Variants in CC2D1B observed in about 807,000 individuals in gnomAD.
The protein encoded by CC2D1B is coiled-coil and C2 domain containing 1B, also known as coiled-coil and C2 domain-containing protein 1B.
In CC2D1B, 92 loss-of-function variants were observed where a neutral mutation model predicts 110.8. The observed-to-expected ratio is 0.83, with a 90% CI of 0.70 to 0.99. The LOEUF is 0.99. Ranked by LOEUF, CC2D1B falls within the 50% of genes least tolerant of loss-of-function variation. The pLI is 0.00. For synonymous variants in CC2D1B, 406 were observed against 429.2 expected, an observed-to-expected ratio of 0.95 and a Z score of 0.67; for missense variants, 1,136 against 1,089.0, an observed-to-expected ratio of 1.04 and a Z score of -0.61.
chr1:52,358,876 G>GA (rs1358961596), intron 11 of CC2D1B, 118 bp from the exon 12 acceptor site: 10 of 1,423,950 alleles, frequency 7.0e-6, no homozygotes, highest in Non-Finnish European at 8.6e-6. Context: ...AGCCCTGGGA[G>GA]AAAAAAAGAT....
chr1:52,356,209 C>T lies in CC2D1B; in HGVS notation c.2031G>A (p.Glu677=), dbSNP rs1424199665. 1 of 1,604,644 alleles carries T rather than the reference C, an allele frequency of 6.2e-7. No individual in the cohort carries two copies. The highest frequency in any genetic ancestry group is 8.5e-7 in the Non-Finnish European group (1 of 1,171,658). ...ACCTCACAGTCTGGAATGTCTTCAA[C>T]TCAAAGTGGTGGGTGGGAGGGTCGA... ...QGLDPPTHHF[E]LKTFQTVRIF... is the part of the protein sequence containing the mutation. Residue 677 remains glutamate, a synonymous_variant, in exon 18 of 25, where the codon GAG becomes GAA. Transcript: ENST00000284376.
At chr1:52,359,404 C>T (rs1359793879) in intron 9 of CC2D1B, 47 bp from the exon 10 acceptor site, 1 of 1,613,090 alleles carries the variant, frequency 6.2e-7, no homozygotes, top group South Asian at 1.1e-5. Flanking sequence ...CTGGCCAGCC[C>T]CAGGCCTGCT....
intron 23 of CC2D1B, among the ~76,000 whole-genome samples, chr1:52,354,198 A>G (rs925082765): frequency 6.6e-6 from 1 of 152,216 alleles, no homozygotes; most frequent in African/African-American, 2.4e-5. Flanking sequence ...CCAGGCAGGC[A>G]GTAGGGCCAG....
chr1:52,365,426 A>G (rs1316167682), intron 1 of CC2D1B, among the ~76,000 whole-genome samples: 1 of 152,262 alleles, frequency 6.6e-6, no homozygotes, highest in Non-Finnish European at 1.5e-5. Flanking sequence ...GTTGGGGGAA[A>G]GAGGGAAATA....
chr1:52,361,404 CTCAGAG>C, intron 4 of CC2D1B, 103 bp downstream of exon 4: 4 of 1,557,326 alleles, frequency 2.6e-6, no homozygotes, highest in East Asian at 4.5e-5. Context: ...CAAGCACTCA[CTCAGAG>C]TCAGAGAATA....
Position 52,358,325 on chromosome 1 carries a change from C to T in CC2D1B, c.1461+6G>A. 1 of 1,612,652 alleles carries T rather than the reference C, an allele frequency of 6.2e-7. No individual in the cohort carries two copies. Among genetic ancestry groups the T allele is most frequent in the Non-Finnish European group, 8.5e-7 (1 of 1,179,156 alleles). On this transcript the variant is annotated splice_donor_region_variant and intron_variant, in intron 13 of 24. Coordinates refer to ENST00000284376, the MANE Select transcript of CC2D1B (RefSeq NM_001330585.2). ...ACCAGCCCTGGAGTTGAGCCCTCAACCAAACCTCGTCCTCGTCTTTATCAG... is the reference window on the plus strand; with the variant it reads ...ACCAGCCCTGGAGTTGAGCCCTCAATCAAACCTCGTCCTCGTCTTTATCAG...
chr1:52,356,868 G>T, intron 16 of CC2D1B, 133 bp downstream of exon 16: 1 of 1,073,792 alleles, frequency 9.3e-7, no homozygotes, highest in Non-Finnish European at 1.3e-6. Context: ...AAAGTGCCTT[G>T]CCCAAGTCAC....
intron 3 of CC2D1B, among the ~76,000 whole-genome samples, chr1:52,362,137 G>T (rs1038627645): frequency 3.3e-5 from 5 of 152,184 alleles, no homozygotes; most frequent in African/African-American, 1.2e-4. Context: ...GGGACACACA[G>T]GATGGTGGGG....
rs1167814954 is a variant in CC2D1B at position 52,353,663 on chromosome 1, A to C, written c.2431-16T>G. On this transcript the variant is annotated splice_polypyrimidine_tract_variant and intron_variant, in intron 23 of 24. Transcript: ENST00000284376. Reference sequence around the variant, plus strand: ...CATCCAGGACCTGTGAGGACCACAGAGAGGGAAATGGTAACTAAGGGGACA... The same window carrying C: ...CATCCAGGACCTGTGAGGACCACAGCGAGGGAAATGGTAACTAAGGGGACA... 6.4e-7 allele frequency: 1 copy of C among 1,572,712 alleles called. No individual in the cohort carries two copies. Among genetic ancestry groups the C allele is most frequent in the Non-Finnish European group, 8.6e-7 (1 of 1,157,576 alleles).
chr1:52,363,108 T>A (rs1035910899), intron 2 of CC2D1B, among the ~76,000 whole-genome samples: 4 of 152,202 alleles, frequency 2.6e-5, no homozygotes, highest in Non-Finnish European at 5.9e-5. Flanking sequence ...AAGGTCCTAT[T>A]TTTTGGCCAG....
Position 52,360,132 on chromosome 1 carries a change from C to T in CC2D1B, c.705G>A (p.Gln235=). ...TCTCAGGGCTCCTGTTGGCTGGTTCCTGGGGGGCCAGGGGCCGCTTTCCTA... is the reference window on the plus strand; with the variant it reads ...TCTCAGGGCTCCTGTTGGCTGGTTCTTGGGGGGCCAGGGGCCGCTTTCCTA... ...VALGKRPLAP[Q]EPANRSPETD... is the part of the protein sequence containing the mutation. The change falls in exon 7 of 25, where the codon CAG becomes CAA. Residue 235 remains glutamine, a synonymous_variant. Transcript: ENST00000284376. The T allele has an allele frequency of 1.2e-6, 2 of 1,609,612 alleles. No individual in the cohort carries two copies. The highest frequency in any genetic ancestry group is 1.7e-6 in the Non-Finnish European group (2 of 1,177,780).
chr1:52,359,424 C>A, intron 9 of CC2D1B, 35 bp downstream of exon 9: 3 of 1,613,500 alleles, frequency 1.9e-6, no homozygotes, highest in Non-Finnish European at 2.5e-6. Flanking sequence ...TACTCCTCCC[C>A]AACCCCACCG....
chr1:52,358,020 C>T, intron 13 of CC2D1B, 122 bp from the exon 14 acceptor site: 1 of 1,405,604 alleles, frequency 7.1e-7, no homozygotes, highest in Non-Finnish European at 9.5e-7. Flanking sequence ...AGATGGGTGG[C>T]TTCTCTTCCT....
In CC2D1B at chr1:52,356,008, A is replaced by G. The variant is rs376741244; in HGVS notation, c.2055-164T>C. Reference sequence around the variant, plus strand: ...ACTTCTGGTCCAGAGCTCTTTCCACAGCACCCAGACAGCTGTGCGCTCTCC... The same window carrying G: ...ACTTCTGGTCCAGAGCTCTTTCCACGGCACCCAGACAGCTGTGCGCTCTCC... On this transcript the variant is annotated intron_variant, in intron 18 of 24. Transcript: ENST00000284376. Among the ~76,000 whole-genome samples the G allele has an allele frequency of 6.6e-5, 10 of 152,300 alleles. No homozygotes were observed. In the East Asian group the frequency reaches 1.7e-3, roughly 26 times the overall value.
chr1:52,354,380 A>C (rs1646595749), intron 23 of CC2D1B: 2 of 692,640 alleles, frequency 2.9e-6, no homozygotes, highest in African/African-American at 1.8e-5. Context: ...GAATCCATTG[A>C]GTTCATGGAA....
chr1:52,362,872 G>A, intron 2 of CC2D1B, 126 bp from the exon 3 acceptor site: 1 of 908,722 alleles, frequency 1.1e-6, no homozygotes, highest in Non-Finnish European at 1.7e-6. Context: ...CCAATGTGCA[G>A]AAAGAAACTG....
At chr1:52,357,471 T>C (rs1646678353) in intron 15 of CC2D1B, 55 bp downstream of exon 15, 2 of 1,521,548 alleles carry the variant, frequency 1.3e-6, no homozygotes, top group South Asian at 2.5e-5. Flanking sequence ...CTGTCAAGCC[T>C]GCCAGCCGCC....
intron 1 of CC2D1B, among the ~76,000 whole-genome samples, chr1:52,365,242 C>A (rs2147899180): frequency 6.6e-6 from 1 of 152,366 alleles, no homozygotes; most frequent in Admixed American, 6.5e-5. Context: ...GCACTGGGAG[C>A]GCAGAAATGA....
intron 2 of CC2D1B, among the ~76,000 whole-genome samples, chr1:52,363,977 A>G (rs1452434565): frequency 6.6e-6 from 1 of 152,216 alleles, no homozygotes; most frequent in Non-Finnish European, 1.5e-5. Context: ...CACGGCACCC[A>G]GCTTACATTC....
Sources: gnomAD v4.1 joint callset for allele counts (sites outside exome capture counted in the v4.1 genomes callset) on GRCh38, gnomAD v4.1.1 for gene constraint, MANE v1.5 for transcripts, NCBI Gene and HGNC (gene_info 2026-07-23, HGNC 2026-07-21) for gene names.